SHB: variants seen among roughly 807,000 people sequenced by gnomAD.
The protein encoded by SHB is SH2 domain-containing adapter protein B.
Under a neutral mutation model 52.3 loss-of-function variants are expected in SHB, and 20 were observed. The observed-to-expected ratio is 0.38, with a 90% CI of 0.27 to 0.56. The LOEUF is 0.56. Among genes scored for constraint, SHB ranks in the 20% least tolerant of loss-of-function variants. SHB has a pLI of 0.71. For synonymous variants in SHB, 397 were observed against 316.5 expected (o/e 1.25, Z -2.70); for missense variants, 825 against 723.3 (o/e 1.14, Z -1.61).
intron 4 of SHB, among the ~76,000 whole-genome samples, chr9:37,952,450 C>A (rs1283436828): frequency 6.6e-6 from 1 of 152,194 alleles, no homozygotes; most frequent in Non-Finnish European, 1.5e-5. Flanking sequence ...GAGCAGCGGG[C>A]AGGAGGTAGG....
At chr9:37,921,484 A>G (rs896055518) in intron 5 of SHB, among the ~76,000 whole-genome samples, 4 of 152,374 alleles carry the variant, frequency 2.6e-5, no homozygotes, top group African/African-American at 4.8e-5. Context: ...GCACTAAGCA[A>G]TATGTCTGCT....
rs80097291 is a variant in SHB at position 38,044,835 on chromosome 9, G to A, written c.717+23094C>T. Among the ~76,000 whole-genome samples, 51 of 152,314 alleles carry A rather than the reference G, an allele frequency of 3.3e-4. 1 individual carries two copies. The East Asian group carries it at 7.9e-3, about 24-fold the overall frequency. On this transcript the variant is annotated intron_variant, in intron 1 of 5. Transcript: ENST00000377707. ...TGCATCCACTCTGGGGTCAGGCCCCGTGCAAGGTGCAGGGCTCTCACTGTG... is the reference window on the plus strand; with the variant it reads ...TGCATCCACTCTGGGGTCAGGCCCCATGCAAGGTGCAGGGCTCTCACTGTG...
intron 1 of SHB, among the ~76,000 whole-genome samples, chr9:38,046,773 A>C (rs1189757266): frequency 6.6e-6 from 1 of 152,258 alleles, no homozygotes; most frequent in Non-Finnish European, 1.5e-5. Context: ...GACAACAGTC[A>C]TATAATGTTT....
At position 37,974,769 on chromosome 9, in the gene SHB, G is replaced by T. The variant is rs749012414; in HGVS notation, c.907C>A (p.Pro303Thr). 2.0e-5 allele frequency: 32 copies of T among 1,614,140 alleles called. No homozygotes were observed. The highest frequency in any genetic ancestry group is 2.7e-5 in the Non-Finnish European group (32 of 1,180,012). ...TCTGAGTCAACACTTTGGCCTTCAG[G>T]TTCGTAAGGGGTGTCATATAACTGG... ...GIQLYDTPYE[P>T]EGQSVDSDSE... Residue 303 changes from proline to threonine, a missense_variant, in exon 3 of 6, where the codon CCT becomes ACT. By Grantham distance (38) the Pro-to-Thr change is conservative (BLOSUM62 -1). Coordinates refer to ENST00000377707, the MANE Select transcript of SHB (RefSeq NM_003028.3).
At chr9:38,027,731 C>A (rs1451017452) in intron 1 of SHB, among the ~76,000 whole-genome samples, 1 of 151,834 alleles carries the variant, frequency 6.6e-6, no homozygotes, top group African/African-American at 2.4e-5. Flanking sequence ...CAGGCACCAA[C>A]TCCTGGGAGC....
intron 5 of SHB, among the ~76,000 whole-genome samples, chr9:37,926,632 C>T (rs751028777): frequency 1.5e-4 from 23 of 152,200 alleles, no homozygotes; most frequent in African/African-American, 4.3e-4. Context: ...GGCAGACACA[C>T]GACCCCGTTC....
At chr9:37,979,818 A>G (rs1029420300) in intron 2 of SHB, among the ~76,000 whole-genome samples, 1 of 152,124 alleles carries the variant, frequency 6.6e-6, no homozygotes, top group Non-Finnish European at 1.5e-5. Context: ...TTAGCCAGGC[A>G]TGGTGGCAGG....
At chr9:38,020,547 T>G (rs4878737) in intron 1 of SHB, among the ~76,000 whole-genome samples, 112,589 of 152,022 alleles carry the variant, frequency 0.74, 41,767 homozygotes, top group South Asian at 0.85. Context: ...TCTTCCCTGG[T>G]GGTCAACTGG....
At chr9:38,018,109 GA>G (rs2118082549) in intron 1 of SHB, among the ~76,000 whole-genome samples, 1 of 152,162 alleles carries the variant, frequency 6.6e-6, no homozygotes, top group Non-Finnish European at 1.5e-5. Flanking sequence ...ATAAGGAAGG[GA>G]AAAAATGTCT....
chr9:37,998,515 C>G (rs1339448297), intron 2 of SHB, among the ~76,000 whole-genome samples: 1 of 152,210 alleles, frequency 6.6e-6, no homozygotes, highest in Non-Finnish European at 1.5e-5. Context: ...TGCCGTGGCA[C>G]GGTCTCAGTT....
At chr9:37,938,783 T>C (rs879500251) in intron 5 of SHB, among the ~76,000 whole-genome samples, 2 of 152,226 alleles carry the variant, frequency 1.3e-5, no homozygotes, top group Non-Finnish European at 2.9e-5. Context: ...CCCCAGCCTG[T>C]TGACGGGCAC....
chr9:38,027,635 A>C (rs1821361141), intron 1 of SHB, among the ~76,000 whole-genome samples: 1 of 150,294 alleles, frequency 6.7e-6, no homozygotes, highest in African/African-American at 2.5e-5. Context: ...AACTAGATGG[A>C]GCATGATCTG....
intron 1 of SHB, among the ~76,000 whole-genome samples, chr9:38,029,927 G>A (rs1392534005): frequency 2.0e-5 from 3 of 152,300 alleles, no homozygotes; most frequent in Non-Finnish European, 2.9e-5. Context: ...AGATGTACAC[G>A]TGCATGCGTG....
Position 37,982,260 on chromosome 9 carries a change from A to AG in SHB, c.839-7424dup, listed in dbSNP as rs546280394. 5.1e-3 allele frequency among the ~76,000 whole-genome samples: 777 copies of AG among 152,174 alleles called. 7 individuals are homozygous for AG. Among genetic ancestry groups the AG allele is most frequent in the African/African-American group, 0.015 (639 of 41,512 alleles). ...GTACTCCTAGCGCTTTGGGAGGCCA[A>AG]GGGGGGTGGATCACCTGAGGACAGG... On this transcript the variant is annotated intron_variant, in intron 2 of 5. Coordinates refer to ENST00000377707, the MANE Select transcript of SHB (RefSeq NM_003028.3).
Position 37,919,347 on chromosome 9 carries a change from C to T in SHB, c.*474G>A, listed in dbSNP as rs555961789. The T allele has an allele frequency of 6.2e-6, 1 of 162,218 alleles. No homozygotes were observed. The highest frequency in any genetic ancestry group is 2.4e-5 in the African/African-American group (1 of 41,634). The allele number at this position is 162,218 out of a possible 1,614,324, so 10.0% of individuals were successfully genotyped here. On this transcript the variant is annotated 3_prime_UTR_variant, in exon 6 of 6. Transcript: ENST00000377707. Reference sequence around the variant, plus strand: ...CATATACACACCAGCGGGGCGGGAACCCCGGGGCCTCCGGGACTCTCAAAG... The same window carrying T: ...CATATACACACCAGCGGGGCGGGAATCCCGGGGCCTCCGGGACTCTCAAAG...
chr9:37,935,382 C>T (rs1291159591), intron 5 of SHB, among the ~76,000 whole-genome samples: 1 of 152,168 alleles, frequency 6.6e-6, no homozygotes, highest in Non-Finnish European at 1.5e-5. Flanking sequence ...GGGGCATACG[C>T]CTTTAGTGCC....
At position 38,068,432 on chromosome 9, in the gene SHB, C is replaced by T; in HGVS notation, c.214G>A (p.Asp72Asn). ...CFSASSGSLP[D>N]DSGSTSDLIR... ...AGGTCGCTGGTGCTGCCGCTGTCGT[C>T]GGGCAGCGAGCCCGAAGAGGCTGAG... Residue 72 changes from aspartate (D) to asparagine (N), a missense_variant, in exon 1 of 6, where the codon GAC becomes AAC. Physicochemically the swap from Asp to Asn is conservative, Grantham distance 23. Transcript: ENST00000377707. 8.4e-6 allele frequency: 13 copies of T among 1,555,920 alleles called. No individual in the cohort carries two copies. The highest frequency in any genetic ancestry group is 1.9e-5 in the Admixed American group (1 of 53,542).
intron 2 of SHB, among the ~76,000 whole-genome samples, chr9:38,014,115 C>T (rs976899799): frequency 1.3e-5 from 2 of 152,170 alleles, no homozygotes; most frequent in African/African-American, 4.8e-5. Flanking sequence ...TTGTACTCTG[C>T]CATCAATTCA....
intron 5 of SHB, 81 bp downstream of exon 5, chr9:37,948,554 T>A: frequency 6.6e-7 from 1 of 1,521,258 alleles, no homozygotes; most frequent in Non-Finnish European, 8.9e-7. Context: ...CACTGGCGGG[T>A]TTTTCTGCCA....
Sources: allele counts gnomAD v4.1 joint callset (sites outside exome capture counted in the v4.1 genomes callset), GRCh38; gene constraint gnomAD v4.1.1; transcripts MANE v1.5; gene names NCBI Gene and HGNC (gene_info 2026-07-23, HGNC 2026-07-21).